ATG7: variants seen among roughly 807,000 people sequenced by gnomAD.
The protein encoded by ATG7 is ubiquitin-like modifier-activating enzyme ATG7.
ATG7 carries 70 observed loss-of-function variants against 82.4 expected under a neutral mutation model. The ratio of observed to expected loss-of-function variants is 0.85; its 90% CI spans 0.70 to 1.04. The LOEUF is 1.04. ATG7 is among the 50% of genes least tolerant of loss of function. The pLI is 0.00. For synonymous variants in ATG7, 287 were observed against 313.0 expected (o/e 0.92, Z 0.88); for missense variants, 792 against 864.3 (o/e 0.92, Z 1.05).
chr3:11,405,375 G>A (rs1235543660), intron 19 of ATG7, among the ~76,000 whole-genome samples: 2 of 152,112 alleles, frequency 1.3e-5, no homozygotes, highest in Non-Finnish European at 2.9e-5. Context: ...GGGGTGAGGC[G>A]ATGAGAATAG....
intron 20 of ATG7, among the ~76,000 whole-genome samples, chr3:11,478,158 C>A (rs1163216778): frequency 6.6e-6 from 1 of 151,944 alleles, no homozygotes; most frequent in Non-Finnish European, 1.5e-5. Context: ...TTAGTATGAC[C>A]CCATCGGTGG....
At chr3:11,532,770 T>C (rs1044048076) in intron 20 of ATG7, among the ~76,000 whole-genome samples, 4 of 152,176 alleles carry the variant, frequency 2.6e-5, no homozygotes, top group African/African-American at 9.7e-5. Context: ...AGGTTAACAA[T>C]AACACCATCT....
chr3:11,342,201 C>G lies in ATG7; in HGVS notation c.1047C>G (p.Asp349Glu), dbSNP rs772172886. The change falls in exon 13 of 21, where the codon GAC becomes GAG. Residue 349 changes from aspartate (D) to glutamate (E), a missense_variant. Asp to Glu is a conservative substitution (Grantham distance 45, BLOSUM62 2). Coordinates refer to ENST00000693202, the MANE Select transcript of ATG7 (RefSeq NM_001349232.2). ...LMCWRLVPTL[D>E]LDKVVSVKCL... ...GTTGGAGATTGGTTCCTACTTTAGA[C>G]TTGGACAAGGTTGTGTCTGTCAAAT... The G allele has an allele frequency of 3.1e-6, 5 of 1,613,628 alleles. No individual in the cohort carries two copies. The East Asian group carries it at 1.1e-4, about 36-fold the overall frequency.
At chr3:11,289,768 C>T (rs1340573985) in intron 3 of ATG7, among the ~76,000 whole-genome samples, 6 of 152,108 alleles carry the variant, frequency 3.9e-5, no homozygotes, top group Non-Finnish European at 8.8e-5. Context: ...CCATGTTGCC[C>T]AGGCTCGTCT....
At position 11,398,634 on chromosome 3, in the gene ATG7, C is replaced by G. The variant is rs554313858; in HGVS notation, c.1956+18582C>G. 2.0e-5 allele frequency among the ~76,000 whole-genome samples: 3 copies of G among 152,302 alleles called. No individual in the cohort carries two copies. In the East Asian group the frequency reaches 5.8e-4, roughly 29 times the overall value. ...TTGGGGGGTCAAGGCAGGAGGATGGCTTGAAGCCAAGAGTTTGAGACCAGC... is the reference window on the plus strand; with the variant it reads ...TTGGGGGGTCAAGGCAGGAGGATGGGTTGAAGCCAAGAGTTTGAGACCAGC... On this transcript the variant is annotated intron_variant, in intron 19 of 20. Coordinates refer to ENST00000693202, the MANE Select transcript of ATG7 (RefSeq NM_001349232.2).
chr3:11,348,240 A>T (rs557133607), intron 14 of ATG7: 2 of 622,164 alleles, frequency 3.2e-6, no homozygotes, highest in Non-Finnish European at 5.3e-6. Flanking sequence ...CATACCTGCA[A>T]TCCCAGTGTG....
At chr3:11,360,232 AGACAGG>A (rs1034160192) in intron 15 of ATG7, among the ~76,000 whole-genome samples, 7 of 152,284 alleles carry the variant, frequency 4.6e-5, no homozygotes, top group African/African-American at 1.7e-4. Context: ...TTTTTAATAG[AGACAGG>A]GTTTCGTCAT....
intron 20 of ATG7, among the ~76,000 whole-genome samples, chr3:11,494,627 A>C (rs1017667587): frequency 6.6e-6 from 1 of 152,170 alleles, no homozygotes; most frequent in Non-Finnish European, 1.5e-5. Flanking sequence ...CTTTTTCATC[A>C]CTTTAAGCTG....
chr3:11,543,215 G>A (rs916984546), intron 20 of ATG7, among the ~76,000 whole-genome samples: 5 of 152,166 alleles, frequency 3.3e-5, no homozygotes, highest in South Asian at 4.2e-4. Flanking sequence ...CTTACCAGCC[G>A]CCTTGGCCAT....
At chr3:11,539,502 T>C (rs2070643591) in intron 20 of ATG7, among the ~76,000 whole-genome samples, 1 of 123,848 alleles carries the variant, frequency 8.1e-6, no homozygotes, top group Non-Finnish European at 1.7e-5. Context: ...CTTAAAATGG[T>C]TGGGAAATAA....
At chr3:11,302,930 T>C (rs747093052) in intron 5 of ATG7, among the ~76,000 whole-genome samples, 2 of 152,224 alleles carry the variant, frequency 1.3e-5, no homozygotes, top group African/African-American at 2.4e-5. Context: ...GAATATGCTG[T>C]CTTGAGTTAG....
At chr3:11,562,118 G>A (rs1454335149), downstream of ATG7, among the ~76,000 whole-genome samples, 2 of 151,902 alleles carry the variant, frequency 1.3e-5, no homozygotes, top group Non-Finnish European at 2.9e-5. Flanking sequence ...GGCTGGTCTC[G>A]AAATCCTGGC....
chr3:11,388,423 ATGT>A (rs1461694510), intron 19 of ATG7, among the ~76,000 whole-genome samples: 5 of 148,062 alleles, frequency 3.4e-5, no homozygotes, highest in Admixed American at 3.4e-4. Context: ...GCCACTGCTC[ATGT>A]TCCTTCTTTT....
downstream of ATG7, among the ~76,000 whole-genome samples, chr3:11,561,728 T>TA (rs2073024508): frequency 6.6e-6 from 1 of 151,966 alleles, no homozygotes; most frequent in Admixed American, 6.5e-5. Context: ...TGTTGGAAGT[T>TA]ACGCTGCGGA....
At chr3:11,346,952 GTC>G (rs1456670714) in intron 13 of ATG7, among the ~76,000 whole-genome samples, 1 of 152,238 alleles carries the variant, frequency 6.6e-6, no homozygotes. Context: ...ATCTAATTGA[GTC>G]TCTCAGTTTC....
At chr3:11,457,664 C>T (rs2085872983) in intron 20 of ATG7, among the ~76,000 whole-genome samples, 1 of 152,176 alleles carries the variant, frequency 6.6e-6, no homozygotes, top group Non-Finnish European at 1.5e-5. Flanking sequence ...AGTGACTATA[C>T]TAGTTAAGGG....
intron 19 of ATG7, among the ~76,000 whole-genome samples, chr3:11,425,610 C>A (rs2082298909): frequency 6.6e-6 from 1 of 152,202 alleles, no homozygotes; most frequent in South Asian, 2.1e-4. Flanking sequence ...TTTCTAAGAA[C>A]TCTTTACTGT....
At chr3:11,383,949 A>G (rs6779840) in intron 19 of ATG7, among the ~76,000 whole-genome samples, 78,005 of 151,998 alleles carry the variant, frequency 0.51, 20,925 homozygotes, top group East Asian at 0.68. Flanking sequence ...TAACAAATGT[A>G]TACACCCATG....
intron 19 of ATG7, among the ~76,000 whole-genome samples, chr3:11,395,244 A>G (rs2079112491): frequency 6.6e-6 from 1 of 152,218 alleles, no homozygotes. Flanking sequence ...AAATATAAAA[A>G]AGGTAGAAGA....
Sources: gnomAD v4.1 joint callset for allele counts (sites outside exome capture counted in the v4.1 genomes callset) on GRCh38, gnomAD v4.1.1 for gene constraint, MANE v1.5 for transcripts, NCBI Gene and HGNC (gene_info 2026-07-23, HGNC 2026-07-21) for gene names.